Variants in THNSL1 observed in about 807,000 individuals in gnomAD.
The protein encoded by THNSL1 is threonine synthase like 1, also known as threonine synthase-like 1.
A neutral mutation model predicts 50.4 loss-of-function variants in THNSL1; 48 were observed. That is an observed-to-expected ratio of 0.95 (90% CI 0.76 to 1.21). The LOEUF is 1.21. Among genes scored for constraint, THNSL1 ranks in the 50% most tolerant of loss-of-function variants. The pLI is 0.00. For synonymous variants in THNSL1, 309 were observed against 306.1 expected, an observed-to-expected ratio of 1.01 and a Z score of -0.10; for missense variants, 896 against 871.7, an observed-to-expected ratio of 1.03 and a Z score of -0.35.
chr10:24,959,557 G>A, the THNSL1 span, among the ~76,000 whole-genome samples: 1 of 152,218 alleles, frequency 6.6e-6, no homozygotes, highest in African/African-American at 2.4e-5. Flanking sequence ...AAACAATTAA[G>A]TAAGCAAAGT....
the THNSL1 span, among the ~76,000 whole-genome samples, chr10:24,965,691 C>G: frequency 1.3e-5 from 2 of 152,156 alleles, no homozygotes; most frequent in African/African-American, 4.8e-5. Context: ...TTTTGAGCAG[C>G]TCTAGTTATT....
At chr10:24,987,967 T>A in the THNSL1 span, among the ~76,000 whole-genome samples, 2 of 151,982 alleles carry the variant, frequency 1.3e-5, no homozygotes, top group Non-Finnish European at 2.9e-5. Context: ...ACGCCTGTAA[T>A]CCTAGCACTT....
chr10:25,025,609 A>G lies in THNSL1; in HGVS notation c.*154A>G, dbSNP rs12249889. 1 of 685,744 alleles carries G rather than the reference A, an allele frequency of 1.5e-6. No individual in the cohort carries two copies. The highest frequency in any genetic ancestry group is 1.8e-5 in the African/African-American group (1 of 54,946). 42.5% of individuals were successfully genotyped at this position (685,744 alleles called of 1,614,324 possible). On this transcript the variant is annotated 3_prime_UTR_variant, in exon 3 of 3. Transcript: ENST00000376356. ...TCTGATCTCTAGGGCTGACATGAGA[A>G]CTCCATGTCACCTCCTCAGATCTTT...
At position 25,025,301 on chromosome 10, in the gene THNSL1, A is replaced by G. The variant is rs371592668; in HGVS notation, c.2078A>G (p.Tyr693Cys). 34 of 1,614,060 alleles carry G rather than the reference A, an allele frequency of 2.1e-5. No homozygotes were observed. Among genetic ancestry groups the G allele is most frequent in the South Asian group, 5.5e-5 (5 of 91,092 alleles). The change falls in exon 3 of 3, where the codon TAT (tyrosine) becomes TGT (cysteine). Residue 693 changes from tyrosine (Y) to cysteine (C), a missense_variant. Coordinates refer to ENST00000376356, the MANE Select transcript of THNSL1 (RefSeq NM_024838.5). Reference protein sequence around the residue: ...EINETSSSQLYLLGSYNALPP... With the variant: ...EINETSSSQLCLLGSYNALPP... ...AATGAGACTTCATCAAGTCAGCTCT[A>G]TTTGCTGGGTTCATACAATGCATTA... is the stretch of plus-strand genomic sequence containing the variant.
chr10:25,008,215 G>T, the THNSL1 span, among the ~76,000 whole-genome samples: 46 of 152,060 alleles, frequency 3.0e-4, 1 homozygote, highest in African/African-American at 1.1e-3. Flanking sequence ...TTGCAGCAAT[G>T]GGAATTTTAG....
the THNSL1 span, among the ~76,000 whole-genome samples, chr10:24,962,789 T>A: frequency 6.6e-6 from 1 of 152,214 alleles, no homozygotes; most frequent in Non-Finnish European, 1.5e-5. Context: ...ATGATCATGA[T>A]CCTTCTGAAC....
At position 25,023,073 on chromosome 10, in the gene THNSL1, A is replaced by G. The variant is rs1034171705; in HGVS notation, c.-48-103A>G. ...AAGATTTTTAAACAGTTTATGTACC[A>G]TGGGCATGGTTATATTCAGTCCTAT... On this transcript the variant is annotated intron_variant, in intron 2 of 2. Transcript: ENST00000376356. The G allele has an allele frequency of 3.1e-5, 23 of 737,904 alleles. No individual in the cohort carries two copies. In the African/African-American group the frequency reaches 3.6e-4, roughly 11 times the overall value. The allele number at this position is 737,904 out of a possible 1,614,324, so 45.7% of individuals were successfully genotyped here.
At chr10:25,019,911 A>G (rs949070983) in intron 1 of THNSL1, among the ~76,000 whole-genome samples, 1 of 152,076 alleles carries the variant, frequency 6.6e-6, no homozygotes, top group African/African-American at 2.4e-5. Flanking sequence ...TAAATGAACC[A>G]TGTGTAATGC....
Position 25,025,564 on chromosome 10 carries a change from T to G in THNSL1, c.*109T>G. 1 of 1,091,026 alleles carries G rather than the reference T, an allele frequency of 9.2e-7. No individual in the cohort carries two copies. Among genetic ancestry groups the G allele is most frequent in the Non-Finnish European group, 1.3e-6 (1 of 768,300 alleles). The allele number at this position is 1,091,026 out of a possible 1,614,324, so 67.6% of individuals were successfully genotyped here. A position where few individuals can be genotyped will look rare whatever the true frequency, so the allele number is the denominator to read the frequency against. On this transcript the variant is annotated 3_prime_UTR_variant, in exon 3 of 3. Transcript: ENST00000376356. ...TGTCTTTTATGTAAATATCTCTATA[T>G]CTGTTTGGAATTTCAAAAGTCTGAT...
chr10:25,023,215 G>A lies in THNSL1; in HGVS notation c.-9G>A, dbSNP rs547086106. On this transcript the variant is annotated 5_prime_UTR_variant, in exon 3 of 3. Transcript: ENST00000376356. ...TTTAGGTTGGCTTGGGCAGAAAAGT[G>A]AAAAGAGAATGCTCCACTTTAACCG... 11 of 1,598,112 alleles carry A rather than the reference G, an allele frequency of 6.9e-6. No individual in the cohort carries two copies. In the South Asian group the frequency reaches 1.1e-4, roughly 16 times the overall value.
At chr10:25,000,255 T>C in the THNSL1 span, among the ~76,000 whole-genome samples, 2,120 of 152,278 alleles carry the variant, frequency 0.014, 45 homozygotes, top group African/African-American at 0.048. Context: ...TGTTCTATTT[T>C]AGTAAATGTT....
At chr10:24,976,793 T>C in the THNSL1 span, among the ~76,000 whole-genome samples, 1 of 152,144 alleles carries the variant, frequency 6.6e-6, no homozygotes, top group Admixed American at 6.5e-5. Flanking sequence ...CACACCTGGC[T>C]ATAAAGCATT....
chr10:25,023,340 T>C lies in THNSL1; in HGVS notation c.117T>C (p.Leu39=). The C allele has an allele frequency of 6.2e-7, 1 of 1,614,154 alleles. No homozygotes were observed. The highest frequency in any genetic ancestry group is 1.1e-5 in the South Asian group (1 of 91,086). The change falls in exon 3 of 3, where the codon CTT becomes CTC. Residue 39 remains leucine (L), a synonymous_variant. Coordinates refer to ENST00000376356, the MANE Select transcript of THNSL1 (RefSeq NM_024838.5). The part of the protein sequence containing the change: ...AQRFLSRTFA[L]AELRKSWYST... ...GATTTCTTTCAAGAACCTTTGCACT[T>C]GCGGAATTGAGGAAGTCATGGTATT...
At chr10:24,991,020 A>T in the THNSL1 span, among the ~76,000 whole-genome samples, 1 of 152,130 alleles carries the variant, frequency 6.6e-6, no homozygotes, top group African/African-American at 2.4e-5. Context: ...AAATCTCTTG[A>T]ATCTGGGAGG....
At chr10:24,984,859 A>C in the THNSL1 span, 2 of 1,613,508 alleles carry the variant, frequency 1.2e-6, no homozygotes, top group African/African-American at 2.7e-5. Flanking sequence ...AAAGACCGAG[A>C]GGGACTGGAA....
chr10:24,987,415 T>C, the THNSL1 span, among the ~76,000 whole-genome samples: 2 of 152,098 alleles, frequency 1.3e-5, no homozygotes, highest in East Asian at 3.9e-4. Flanking sequence ...GGGAGGAGGA[T>C]TGCTTGAGGC....
upstream of THNSL1, chr10:25,016,150 G>T (rs142760402): frequency 7.4e-6 from 9 of 1,218,254 alleles, no homozygotes; most frequent in South Asian, 2.4e-4. Context: ...GCTAAGCGTC[G>T]TTGACTGTGC....
At chr10:24,959,442 T>C in the THNSL1 span, among the ~76,000 whole-genome samples, 3 of 152,214 alleles carry the variant, frequency 2.0e-5, no homozygotes, top group African/African-American at 7.2e-5. Context: ...ATGGAGAAAG[T>C]AAAAGAAATT....
chr10:25,024,748 G>T lies in THNSL1; in HGVS notation c.1525G>T (p.Gly509Ter), dbSNP rs918543466. The T allele has an allele frequency of 3.7e-6, 6 of 1,613,992 alleles. No individual in the cohort carries two copies. Among genetic ancestry groups the T allele is most frequent in the Non-Finnish European group, 5.1e-6 (6 of 1,180,028 alleles). The change falls in exon 3 of 3, where the codon GGA becomes TGA. Residue 509 changes from glycine to a stop codon, truncating the protein, a stop_gained. Coordinates refer to ENST00000376356, the MANE Select transcript of THNSL1 (RefSeq NM_024838.5). LOFTEE classifies it high-confidence loss of function. ...CCCAGTCGATGTCTGTATTCCCACAGGAAACTTTGGTAACATTTTAGCAGC... is the reference window on the plus strand; with the variant it reads ...CCCAGTCGATGTCTGTATTCCCACATGAAACTTTGGTAACATTTTAGCAGC... ...GSPVDVCIPT[G>*]NFGNILAAVY...
Sources: gnomAD v4.1 joint callset for allele counts (sites outside exome capture counted in the v4.1 genomes callset) on GRCh38, gnomAD v4.1.1 for gene constraint, MANE v1.5 for transcripts, NCBI Gene and HGNC (gene_info 2026-07-23, HGNC 2026-07-21) for gene names.